Variants in DPP6 observed in about 807,000 individuals in gnomAD.
DPP6 encodes A-type potassium channel modulatory protein DPP6.
Under a neutral mutation model 122.6 loss-of-function variants are expected in DPP6, and 69 were observed. That is an observed-to-expected ratio of 0.56 (90% confidence interval 0.46 to 0.69). DPP6 has a LOEUF of 0.69. DPP6 is among the 30% of genes least tolerant of loss of function. The pLI, the probability that DPP6 is intolerant of heterozygous loss-of-function variation, is 0.00. For synonymous variants in DPP6, 418 were observed against 433.1 expected (o/e 0.97, Z 0.43); for missense variants, 928 against 1,116.9 (o/e 0.83, Z 2.41).
intron 1 of DPP6, among the ~76,000 whole-genome samples, chr7:153,895,727 T>TGCGC (rs201387713): frequency 1.4e-4 from 11 of 78,184 alleles, no homozygotes; most frequent in Non-Finnish European, 2.8e-4. Flanking sequence ...TGTGCATGCG[T>TGCGC]GCACACACAC....
intron 7 of DPP6, among the ~76,000 whole-genome samples, chr7:154,687,382 C>T (rs1839679400): frequency 6.6e-6 from 1 of 152,134 alleles, no homozygotes; most frequent in Admixed American, 6.5e-5. Flanking sequence ...GCATTTTGCT[C>T]ATGTTTTCTG....
At chr7:154,795,161 A>G (rs1401779144) in intron 11 of DPP6, among the ~76,000 whole-genome samples, 1 of 152,114 alleles carries the variant, frequency 6.6e-6, no homozygotes, top group Non-Finnish European at 1.5e-5. Context: ...CAACTTCTCC[A>G]TGCCCCTGAG....
At chr7:154,247,150 T>C (rs1031332677) in intron 1 of DPP6, among the ~76,000 whole-genome samples, 1 of 151,992 alleles carries the variant, frequency 6.6e-6, no homozygotes, top group Admixed American at 6.6e-5. Flanking sequence ...CCATCTCTAC[T>C]AAAAATACAA....
chr7:154,382,882 C>A (rs1020855377), intron 1 of DPP6, among the ~76,000 whole-genome samples: 5 of 152,148 alleles, frequency 3.3e-5, no homozygotes, highest in African/African-American at 1.2e-4. Context: ...CGCACCACCA[C>A]GCCCAGCTAA....
At chr7:154,272,435 G>T (rs1473311610) in intron 1 of DPP6, among the ~76,000 whole-genome samples, 1 of 152,106 alleles carries the variant, frequency 6.6e-6, no homozygotes, top group African/African-American at 2.4e-5. Flanking sequence ...TTTGTGCACC[G>T]CCTGGATGGA....
intron 5 of DPP6, among the ~76,000 whole-genome samples, chr7:154,597,184 G>A (rs1276243926): frequency 6.7e-5 from 10 of 150,230 alleles, no homozygotes; most frequent in Non-Finnish European, 1.0e-4. Context: ...CAGAGAGAGA[G>A]AGGGTGGGGA....
chr7:154,558,117 G>C (rs1269498559), intron 4 of DPP6, among the ~76,000 whole-genome samples: 6 of 151,162 alleles, frequency 4.0e-5, no homozygotes, highest in African/African-American at 1.2e-4. Flanking sequence ...CCCCCCCACA[G>C]GCCCCAGTAT....
At chr7:154,317,926 A>G (rs886486010) in intron 1 of DPP6, among the ~76,000 whole-genome samples, 2 of 152,208 alleles carry the variant, frequency 1.3e-5, no homozygotes, top group Non-Finnish European at 2.9e-5. Context: ...TATTTTGCGA[A>G]CCTCATGGCT....
intron 16 of DPP6, among the ~76,000 whole-genome samples, chr7:154,850,549 A>ATG (rs1156265307): frequency 6.6e-6 from 1 of 152,166 alleles, no homozygotes; most frequent in Non-Finnish European, 1.5e-5. Flanking sequence ...TCTTCTCTAA[A>ATG]TGTTGGTAGG....
At chr7:154,270,997 G>A (rs1803750874) in intron 1 of DPP6, among the ~76,000 whole-genome samples, 1 of 152,176 alleles carries the variant, frequency 6.6e-6, no homozygotes, top group African/African-American at 2.4e-5. Flanking sequence ...GTGACAAAGA[G>A]ATACTGCAAC....
intron 16 of DPP6, among the ~76,000 whole-genome samples, chr7:154,807,652 T>C (rs1169666529): frequency 6.6e-6 from 1 of 152,010 alleles, no homozygotes; most frequent in Non-Finnish European, 1.5e-5. Context: ...CGAAATCCCG[T>C]CTCTACTAAA....
the DPP6 span, among the ~76,000 whole-genome samples, chr7:153,754,921 A>T: frequency 2.7e-5 from 4 of 150,824 alleles, no homozygotes; most frequent in African/African-American, 9.8e-5. Flanking sequence ...ATTCACCGTG[A>T]GTATCTTTGC....
At chr7:153,807,741 A>G in the DPP6 span, among the ~76,000 whole-genome samples, 1 of 151,874 alleles carries the variant, frequency 6.6e-6, no homozygotes, top group South Asian at 2.1e-4. Context: ...GGGAGAATTT[A>G]GACAGAGACG....
chr7:154,735,651 A>G (rs1842538361), intron 8 of DPP6, among the ~76,000 whole-genome samples: 1 of 152,230 alleles, frequency 6.6e-6, no homozygotes, highest in Non-Finnish European at 1.5e-5. Flanking sequence ...TTGTAGAGAG[A>G]CAAGGAGGAA....
rs12112978 is a variant in DPP6, at chr7:154,886,086, G to A, written c.2245+342G>A. ...CAGGTGCCACAGGCCCTGCCGGGCC[G>A]CCCTCCTTCTCTGCTCCCAGAAGAA... On this transcript the variant is annotated intron_variant, in intron 22 of 25. Transcript: ENST00000377770. 9.7e-3 allele frequency among the ~76,000 whole-genome samples: 1,476 copies of A among 152,322 alleles called. 26 individuals carry two copies. The highest frequency in any genetic ancestry group is 0.032 in the African/African-American group (1,349 of 41,578).
intron 1 of DPP6, among the ~76,000 whole-genome samples, chr7:154,325,861 CCTCT>C (rs1808399250): frequency 6.6e-6 from 1 of 152,094 alleles, no homozygotes; most frequent in African/African-American, 2.4e-5. Context: ...ATAAATTGTG[CCTCT>C]CTGTTACCTG....
chr7:154,822,921 C>G (rs1799894517), intron 16 of DPP6, among the ~76,000 whole-genome samples: 1 of 152,184 alleles, frequency 6.6e-6, no homozygotes, highest in Non-Finnish European at 1.5e-5. Flanking sequence ...CCACTTTGAT[C>G]CTGACATCTA....
chr7:154,007,565 T>C (rs1354921973), intron 1 of DPP6, among the ~76,000 whole-genome samples: 2 of 152,194 alleles, frequency 1.3e-5, no homozygotes, highest in African/African-American at 2.4e-5. Flanking sequence ...GATATTCCTG[T>C]CCCCATTTTA....
At chr7:154,724,640 C>T (rs113461508) in intron 7 of DPP6, among the ~76,000 whole-genome samples, 1 of 152,150 alleles carries the variant, frequency 6.6e-6, no homozygotes, top group Admixed American at 6.5e-5. Flanking sequence ...CCAGACCCTC[C>T]AGGAGCTGGC....
Sources: gnomAD v4.1 joint callset for allele counts (sites outside exome capture counted in the v4.1 genomes callset) on GRCh38, gnomAD v4.1.1 for gene constraint, MANE v1.5 for transcripts, NCBI Gene and HGNC (gene_info 2026-07-23, HGNC 2026-07-21) for gene names.